The following BMX variants were observed in gnomAD, a reference collection of about 807,000 sequenced individuals.
BMX encodes the protein cytoplasmic tyrosine-protein kinase BMX.
Under a neutral mutation model 59.2 loss-of-function variants are expected in BMX, and 31 were observed. That is an observed-to-expected ratio of 0.52 (90% confidence interval 0.39 to 0.71). The LOEUF is 0.71. Ranked by LOEUF, BMX falls within the 30% of genes least tolerant of loss-of-function variation. The pLI is 0.00. For missense variants in BMX, 474 were observed against 491.7 expected (o/e 0.96, Z 0.34); for synonymous variants, 185 against 181.0 (o/e 1.02, Z -0.18).
intron 4 of BMX, 145 bp downstream of exon 4, chrX:15,511,663 A>G: frequency 2.1e-6 from 1 of 487,684 alleles, no homozygotes; most frequent in Non-Finnish European, 3.4e-6. Flanking sequence ...TACCAACCTC[A>G]GGGAATGTGT....
intron 7 of BMX, among the ~76,000 whole-genome samples, chrX:15,524,395 T>A (rs1262382156): frequency 1.8e-5 from 2 of 112,482 alleles, no homozygotes; most frequent in Admixed American, 1.9e-4. Flanking sequence ...GAGCATACAG[T>A]TCAGTAGTGT....
At chrX:15,530,104 T>C (rs1430717333) in intron 10 of BMX, 77 bp downstream of exon 10, 1 of 962,086 alleles carries the variant, frequency 1.0e-6, no homozygotes, top group Non-Finnish European at 1.5e-6. Context: ...GCATTTCTCA[T>C]AGAAACCTTC....
intron 1 of BMX, 77 bp downstream of exon 1, chrX:15,501,017 C>T (rs192545565): frequency 2.8e-6 from 2 of 716,968 alleles, no homozygotes; most frequent in East Asian, 3.1e-4. Context: ...TGTTGTGGGG[C>T]CTGAAGTTAC....
At chrX:15,543,373 T>A (rs1023046418) in intron 16 of BMX, among the ~76,000 whole-genome samples, 3 of 111,553 alleles carry the variant, frequency 2.7e-5, no homozygotes, top group African/African-American at 9.8e-5. Flanking sequence ...TAAATTTAAA[T>A]ACAACATGTT....
intron 6 of BMX, among the ~76,000 whole-genome samples, chrX:15,520,477 A>T (rs760057135): frequency 8.9e-6 from 1 of 111,877 alleles, no homozygotes; most frequent in Non-Finnish European, 1.9e-5. Context: ...TAAATTTACA[A>T]AAGTCACTGA....
At chrX:15,516,672 A>G (rs997683874) in intron 5 of BMX, among the ~76,000 whole-genome samples, 1 of 103,701 alleles carries the variant, frequency 9.6e-6, no homozygotes, top group African/African-American at 4.1e-5. Context: ...AAACAACATT[A>G]TTAAAAAAAA....
chrX:15,503,708 C>A (rs779603798), intron 1 of BMX, among the ~76,000 whole-genome samples: 1 of 112,351 alleles, frequency 8.9e-6, no homozygotes, highest in Admixed American at 9.4e-5. Flanking sequence ...ACACAGCAGG[C>A]ATGTCCTTCT....
At chrX:15,529,426 G>A (rs73635816) in intron 9 of BMX, among the ~76,000 whole-genome samples, 5,187 of 111,822 alleles carry the variant, frequency 0.046, 301 homozygotes, top group African/African-American at 0.15. Flanking sequence ...CTCATGCCCT[G>A]CTTTTACTCA....
At chrX:15,539,369 C>G (rs1338732569) in intron 14 of BMX, among the ~76,000 whole-genome samples, 1 of 111,702 alleles carries the variant, frequency 9.0e-6, no homozygotes, top group East Asian at 2.8e-4. Flanking sequence ...CAAGCTGAAG[C>G]CTATCATGTG....
chrX:15,533,147 CT>C lies in BMX; in HGVS notation c.1020-1063del, dbSNP rs1392945964. The stretch of plus-strand genomic sequence containing the variant: ...GAGAAGAACCATTTCTCCTTTTGTA[CT>C]TGCAATTTTTACTCGGTTGATGTTA... On this transcript the variant is annotated intron_variant, in intron 11 of 18. Transcript: ENST00000348343. Among the ~76,000 whole-genome samples the C allele has an allele frequency of 2.7e-5, 3 of 112,143 alleles. 1 individual carries two copies. Among genetic ancestry groups the C allele is most frequent in the African/African-American group, 3.2e-5 (1 of 30,882 alleles).
At chrX:15,507,404 T>C (rs375709435) in intron 1 of BMX, 2 of 741,256 alleles carry the variant, frequency 2.7e-6, no homozygotes, top group African/African-American at 2.3e-5. Flanking sequence ...CTCTAGCGAG[T>C]CTAAGGTGAG....
At chrX:15,528,705 C>T (rs1924919557) in intron 9 of BMX, among the ~76,000 whole-genome samples, 1 of 111,807 alleles carries the variant, frequency 8.9e-6, no homozygotes, top group East Asian at 2.8e-4. Context: ...CTCTGCTGCT[C>T]TGTCATTGAA....
At chrX:15,553,544 G>A (rs929919910) in intron 18 of BMX, among the ~76,000 whole-genome samples, 10 of 111,886 alleles carry the variant, frequency 8.9e-5, no homozygotes, top group African/African-American at 3.3e-4. Context: ...AGTGTCTAGG[G>A]TAGCGAATCC....
intron 9 of BMX, among the ~76,000 whole-genome samples, chrX:15,528,993 A>G (rs1924935064): frequency 8.9e-6 from 1 of 112,252 alleles, no homozygotes; most frequent in Admixed American, 9.4e-5. Flanking sequence ...AGTGTTAGTT[A>G]TACAGTATCC....
Position 15,550,044 on chromosome X carries a change from G to A in BMX, c.1953+47G>A, listed in dbSNP as rs367792922. On this transcript the variant is annotated intron_variant, in intron 18 of 18. Coordinates refer to ENST00000348343, the MANE Select transcript of BMX (RefSeq NM_203281.3). ...GCTGGAAGGGGTCTCAGGCACATCC[G>A]GGGTGATTACTGCATCACCACTGGG... 15 of 1,157,952 alleles carry A rather than the reference G, an allele frequency of 1.3e-5. No individual in the cohort carries two copies. The Admixed American group carries it at 1.9e-4, about 15-fold the overall frequency.
At chrX:15,504,330 A>T (rs1012735426) in intron 1 of BMX, among the ~76,000 whole-genome samples, 1 of 112,005 alleles carries the variant, frequency 8.9e-6, no homozygotes, top group Non-Finnish European at 1.9e-5. Flanking sequence ...ATCTCAATTT[A>T]CAGATCAGAA....
At chrX:15,516,716 C>G (rs917744383) in intron 5 of BMX, among the ~76,000 whole-genome samples, 2 of 109,140 alleles carry the variant, frequency 1.8e-5, no homozygotes, top group Non-Finnish European at 1.9e-5. Flanking sequence ...TTTTCATCAC[C>G]ATGTATACTA....
chrX:15,508,571 A>G, intron 2 of BMX, 80 bp downstream of exon 2: 2 of 818,811 alleles, frequency 2.4e-6, no homozygotes, highest in Non-Finnish European at 3.4e-6. Flanking sequence ...ATCATAATGA[A>G]AGAATATCAG....
rs946367068 is a variant in BMX at position 15,540,232 on chromosome X, C to G, written c.1395-1750C>G. ...TAAAGAAAATGTGGCACATATACACCATGGAATACTATGCAGCCATAAAAA... is the reference window on the plus strand; with the variant it reads ...TAAAGAAAATGTGGCACATATACACGATGGAATACTATGCAGCCATAAAAA... On this transcript the variant is annotated intron_variant, in intron 14 of 18. Coordinates refer to ENST00000348343, the MANE Select transcript of BMX (RefSeq NM_203281.3). Among the ~76,000 whole-genome samples the G allele has an allele frequency of 3.6e-5, 4 of 111,756 alleles. No individual in the cohort carries two copies. In the Admixed American group the frequency reaches 3.8e-4, roughly 11 times the overall value.
Sources: allele counts gnomAD v4.1 joint callset (sites outside exome capture counted in the v4.1 genomes callset), GRCh38; gene constraint gnomAD v4.1.1; transcripts MANE v1.5; gene names NCBI Gene and HGNC (gene_info 2026-07-23, HGNC 2026-07-21).